The following NEK11 variants were observed in gnomAD, a reference collection of about 807,000 sequenced individuals.
NEK11 encodes serine/threonine-protein kinase Nek11.
In NEK11, 72 loss-of-function variants were observed where a neutral mutation model predicts 80.7. The ratio of observed to expected loss-of-function variants is 0.89; its 90% CI spans 0.74 to 1.08. NEK11 has a LOEUF of 1.08. Among genes scored for constraint, NEK11 ranks in the 50% least tolerant of loss-of-function variants. NEK11 has a pLI of 0.00. For missense variants in NEK11, 764 were observed against 763.6 expected, an observed-to-expected ratio of 1.00 and a Z score of -0.01; for synonymous variants, 251 against 260.7, an observed-to-expected ratio of 0.96 and a Z score of 0.36.
In NEK11 at chr3:131,029,688, A is replaced by G. The variant is rs1262811074; in HGVS notation, c.-21A>G. On this transcript the variant is annotated 5_prime_UTR_variant, in exon 3 of 18. Transcript: ENST00000383366. The stretch of plus-strand genomic sequence containing the variant: ...TTAAGTTTCTATAAATGAATGAACC[A>G]GTTCTCTCTTGTTTGGAGCAATGCT... 3.7e-6 allele frequency: 6 copies of G among 1,608,778 alleles called. No homozygotes were observed. Among genetic ancestry groups the G allele is most frequent in the Non-Finnish European group, 3.4e-6 (4 of 1,176,144 alleles).
At chr3:131,246,870 G>T (rs2095610884) in intron 16 of NEK11, among the ~76,000 whole-genome samples, 1 of 152,058 alleles carries the variant, frequency 6.6e-6, no homozygotes, top group Admixed American at 6.6e-5. Context: ...ACTTAGTGAT[G>T]TTGAGCATTT....
intron 14 of NEK11, among the ~76,000 whole-genome samples, chr3:131,195,090 G>T (rs2093947158): frequency 6.6e-6 from 1 of 152,128 alleles, no homozygotes; most frequent in African/African-American, 2.4e-5. Flanking sequence ...TGCCCGCAAC[G>T]AGTTCATTCT....
chr3:131,224,085 A>C (rs2095114878), intron 14 of NEK11, among the ~76,000 whole-genome samples: 1 of 152,188 alleles, frequency 6.6e-6, no homozygotes, highest in Admixed American at 6.5e-5. Context: ...CCATCATAAC[A>C]TTGCAGAGCA....
intron 14 of NEK11, among the ~76,000 whole-genome samples, chr3:131,181,214 C>T (rs936985713): frequency 6.6e-6 from 1 of 152,156 alleles, no homozygotes; most frequent in Non-Finnish European, 1.5e-5. Flanking sequence ...AAGAGGGAGG[C>T]AGACAGGGGA....
chr3:131,331,900 C>T (rs541480669), intron 17 of NEK11, among the ~76,000 whole-genome samples: 221 of 152,284 alleles, frequency 1.5e-3, no homozygotes, highest in Admixed American at 4.2e-3. Flanking sequence ...AAGGCGGCAG[C>T]GAGGCTGGGG....
intron 16 of NEK11, among the ~76,000 whole-genome samples, chr3:131,247,117 GT>G (rs2095615613): frequency 1.3e-5 from 2 of 152,030 alleles, no homozygotes; most frequent in South Asian, 4.2e-4. Flanking sequence ...AAGCTTTTTA[GT>G]TTAATTAAGT....
intron 3 of NEK11, among the ~76,000 whole-genome samples, chr3:131,068,172 C>G (rs1315982676): frequency 6.6e-6 from 1 of 152,200 alleles, no homozygotes; most frequent in African/African-American, 2.4e-5. Flanking sequence ...CTAGAGAACA[C>G]TGGGGCTCTT....
At chr3:131,193,793 A>G (rs1049919350) in intron 14 of NEK11, among the ~76,000 whole-genome samples, 19 of 152,194 alleles carry the variant, frequency 1.2e-4, no homozygotes, top group African/African-American at 3.1e-4. Context: ...GTGATGAAGT[A>G]CAATCATTTA....
At chr3:131,133,431 C>A (rs6772710) in intron 6 of NEK11, 2 of 332,278 alleles carry the variant, frequency 6.0e-6, no homozygotes, top group Non-Finnish European at 1.1e-5. Flanking sequence ...TTCTTTAAAA[C>A]GCTCCATTAT....
At chr3:131,125,366 G>A (rs933498547) in intron 5 of NEK11, among the ~76,000 whole-genome samples, 7 of 151,994 alleles carry the variant, frequency 4.6e-5, no homozygotes, top group South Asian at 2.1e-4. Flanking sequence ...TAATTCTAAT[G>A]GTAAAAATTA....
chr3:131,124,355 G>C (rs995541871), intron 5 of NEK11, among the ~76,000 whole-genome samples: 2 of 152,212 alleles, frequency 1.3e-5, no homozygotes, highest in African/African-American at 4.8e-5. Context: ...AGGCACACTT[G>C]AATATTTTTG....
At chr3:131,249,279 G>A (rs1340420881) in intron 16 of NEK11, among the ~76,000 whole-genome samples, 19 of 152,040 alleles carry the variant, frequency 1.2e-4, no homozygotes, top group Non-Finnish European at 2.8e-4. Flanking sequence ...AGAAGGGAAG[G>A]TAAGGTGTAG....
At chr3:131,331,845 CAG>C (rs1491183908) in intron 17 of NEK11, among the ~76,000 whole-genome samples, 5 of 152,334 alleles carry the variant, frequency 3.3e-5, no homozygotes, top group Non-Finnish European at 2.9e-5. Context: ...CCTACAACCA[CAG>C]AGTCTCGCTG....
chr3:131,347,885 G>A (rs576307932), intron 17 of NEK11, among the ~76,000 whole-genome samples: 24 of 151,598 alleles, frequency 1.6e-4, no homozygotes, highest in African/African-American at 5.3e-4. Flanking sequence ...GATGCAGTGA[G>A]CTGAGATCAC....
intron 17 of NEK11, among the ~76,000 whole-genome samples, chr3:131,310,288 T>C (rs2096768544): frequency 6.6e-6 from 1 of 152,154 alleles, no homozygotes; most frequent in Non-Finnish European, 1.5e-5. Context: ...CCTAAATGGA[T>C]TGTGATTAGG....
intron 15 of NEK11, among the ~76,000 whole-genome samples, chr3:131,236,361 T>A (rs1307094462): frequency 6.6e-6 from 1 of 151,252 alleles, no homozygotes; most frequent in Non-Finnish European, 1.5e-5. Context: ...TGCCATTCTA[T>A]CAGCCCTGCT....
intron 5 of NEK11, among the ~76,000 whole-genome samples, chr3:131,119,784 GA>G (rs1418532166): frequency 6.6e-6 from 1 of 151,842 alleles, no homozygotes; most frequent in African/African-American, 2.4e-5. Flanking sequence ...CAGAGACTAG[GA>G]TTGCAACCCC....
chr3:131,203,200 C>T (rs1020678504), intron 14 of NEK11, among the ~76,000 whole-genome samples: 1 of 152,066 alleles, frequency 6.6e-6, no homozygotes, highest in African/African-American at 2.4e-5. Context: ...CAATGATAGA[C>T]TGGATTAAGA....
Position 131,152,645 on chromosome 3 carries a change from A to G in NEK11, c.812A>G (p.Asn271Ser). ...AAACATTACAGCATGTTGAACAAGA[A>G]TCCTTCATTAAGACCATCTGCTATC... ...NAIMESMLNK[N>S]PSLRPSAIEI... Residue 271 changes from asparagine (N) to serine (S), a missense_variant, in exon 9 of 18, where the codon AAT becomes AGT. Asn to Ser is a conservative substitution (Grantham distance 46, BLOSUM62 1). Coordinates refer to ENST00000383366, the MANE Select transcript of NEK11 (RefSeq NM_024800.5). 1 of 1,613,772 alleles carries G rather than the reference A, an allele frequency of 6.2e-7. No homozygotes were observed. The highest frequency in any genetic ancestry group is 8.5e-7 in the Non-Finnish European group (1 of 1,179,820).
Sources: gnomAD v4.1 joint callset for allele counts (sites outside exome capture counted in the v4.1 genomes callset) on GRCh38, gnomAD v4.1.1 for gene constraint, MANE v1.5 for transcripts, NCBI Gene and HGNC (gene_info 2026-07-23, HGNC 2026-07-21) for gene names.